MTAP: variants seen among roughly 807,000 people sequenced by gnomAD.
The protein encoded by MTAP is methylthioadenosine phosphorylase.
Under a neutral mutation model 33.6 loss-of-function variants are expected in MTAP, and 33 were observed. The observed-to-expected ratio is 0.98, with a 90% CI of 0.74 to 1.31. The LOEUF is 1.31. MTAP is among the 40% of genes most tolerant of loss of function. The probability of loss-of-function intolerance (pLI) is 0.00; values close to 1 mark genes in which losing one functional copy is unlikely to be tolerated. For missense variants in MTAP, 367 were observed against 360.0 expected (o/e 1.02, Z -0.16); for synonymous variants, 148 against 125.7 (o/e 1.18, Z -1.19).
At chr9:21,915,022 TCCTTCCTTCCTTCCTTCCTTCCTTCC>T (rs1818656981) in intron 1 of MTAP, among the ~76,000 whole-genome samples, 1 of 99,554 alleles carries the variant, frequency 1.0e-5, no homozygotes, top group African/African-American at 5.7e-5. Context: ...CTTCCTTCCT[TCCTTCCTTCCTTCCTTCCTTCCTTCC>T]TTCCTTCCTT....
chr9:21,938,567 G>A (rs1258548845), downstream of MTAP, among the ~76,000 whole-genome samples: 1 of 152,156 alleles, frequency 6.6e-6, no homozygotes, highest in East Asian at 1.9e-4. Flanking sequence ...TTTTCCAGAT[G>A]TTCTGTGAAC....
At chr9:21,934,564 GATTATAA>G (rs1489906619), downstream of MTAP, 4 of 152,112 alleles carry the variant, frequency 2.6e-5, no homozygotes, top group East Asian at 7.7e-4. This position sits in a 1 kb window ranked among gnomAD's most constrained non-coding sequence, Gnocchi z 5.0. Flanking sequence ...AGATGTTTAA[GATTATAA>G]AACTGTCAGT....
At chr9:21,841,833 C>G (rs1825254833) in intron 5 of MTAP, among the ~76,000 whole-genome samples, 1 of 152,126 alleles carries the variant, frequency 6.6e-6, no homozygotes, top group African/African-American at 2.4e-5. Flanking sequence ...TGACAAGGAA[C>G]CAGAAAAGCA....
At chr9:21,845,799 T>C (rs1038078762) in intron 5 of MTAP, among the ~76,000 whole-genome samples, 1 of 151,262 alleles carries the variant, frequency 6.6e-6, no homozygotes, top group African/African-American at 2.4e-5. Context: ...AAAGAGCCCA[T>C]ATAGCCAAAG....
intron 1 of MTAP, among the ~76,000 whole-genome samples, chr9:21,807,921 ATGTT>A (rs1563828034): frequency 6.6e-6 from 1 of 152,224 alleles, no homozygotes; most frequent in South Asian, 2.1e-4. Flanking sequence ...GTTAAGGAAA[ATGTT>A]TGTATGCAGT....
chr9:21,853,608 A>G (rs1301877654), intron 5 of MTAP, among the ~76,000 whole-genome samples: 1 of 152,204 alleles, frequency 6.6e-6, no homozygotes, highest in Non-Finnish European at 1.5e-5. Flanking sequence ...ACTCCACTTT[A>G]TTTATATAGT....
Position 21,866,917 on chromosome 9 carries a change from G to A in MTAP, c.*4903G>A, listed in dbSNP as rs951705703. ...TTTGTAGTTTTAGTGAAGAAGTCTT[G>A]TATATATCTTTTGTTAAATGTATTC... On this transcript the variant is annotated 3_prime_UTR_variant, in exon 8 of 8. Transcript: ENST00000644715. 6.6e-6 allele frequency: 1 copy of A among 152,070 alleles called. No homozygotes were observed. The highest frequency in any genetic ancestry group is 6.6e-5 in the Admixed American group (1 of 15,256). 9.4% of individuals were successfully genotyped at this position (152,070 alleles called of 1,614,324 possible).
chr9:21,900,489 T>C (rs766810039), intron 1 of MTAP, among the ~76,000 whole-genome samples: 2 of 152,210 alleles, frequency 1.3e-5, no homozygotes, highest in Non-Finnish European at 2.9e-5. Context: ...CCAGTCAGAA[T>C]GGCTACTATT....
At chr9:21,930,859 G>T in intron 1 of MTAP, 2 of 649,208 alleles carry the variant, frequency 3.1e-6, no homozygotes, top group Admixed American at 2.5e-5. Context: ...GCCTCTCGTG[G>T]TTAGTTAGAT....
chr9:21,859,823 C>T (rs1252322450), intron 7 of MTAP: 3 of 154,700 alleles, frequency 1.9e-5, no homozygotes, highest in Non-Finnish European at 4.3e-5. Flanking sequence ...AAAACTCTGA[C>T]AATAGTACCA....
At chr9:21,838,876 T>A (rs1825174656) in intron 5 of MTAP, among the ~76,000 whole-genome samples, 2 of 152,272 alleles carry the variant, frequency 1.3e-5, no homozygotes, top group Admixed American at 1.3e-4. Context: ...CCTTATGAGT[T>A]AACTTAGAGA....
At chr9:21,933,766 C>A (rs1327343101), downstream of MTAP, 1 of 152,134 alleles carries the variant, frequency 6.6e-6, no homozygotes, top group Admixed American at 6.5e-5. Flanking sequence ...ACTGTGAAAT[C>A]TGCTTCTGTC....
intron 7 of MTAP, 50 bp from the exon 8 acceptor site, chr9:21,861,926 C>G: frequency 9.8e-7 from 1 of 1,018,928 alleles, no homozygotes; most frequent in South Asian, 1.3e-5. Flanking sequence ...ACAAACATCT[C>G]AGTAATTACG....
chr9:21,846,487 A>C (rs2118423158), intron 5 of MTAP, among the ~76,000 whole-genome samples: 1 of 152,312 alleles, frequency 6.6e-6, no homozygotes, highest in African/African-American at 2.4e-5. Flanking sequence ...CACATGAAAA[A>C]ATGCTCAAAA....
chr9:21,899,221 C>CGG (rs1449109464), intron 1 of MTAP, among the ~76,000 whole-genome samples: 1 of 102,414 alleles, frequency 9.8e-6, no homozygotes, highest in Non-Finnish European at 1.8e-5. Context: ...CATCACACAC[C>CGG]GGGGCCTGTT....
chr9:21,882,611 T>A (rs1019692904), intron 1 of MTAP, among the ~76,000 whole-genome samples: 1 of 151,902 alleles, frequency 6.6e-6, no homozygotes, highest in East Asian at 1.9e-4. Context: ...TATGGAAAAT[T>A]TGAACAACAT....
chr9:21,904,977 G>C (rs1223927964), intron 1 of MTAP, among the ~76,000 whole-genome samples: 1 of 152,134 alleles, frequency 6.6e-6, no homozygotes, highest in African/African-American at 2.4e-5. Flanking sequence ...AAACCTCTAG[G>C]GGGAGCATTT....
In MTAP at chr9:21,862,002, A is replaced by G; in HGVS notation, c.840A>G (p.Leu280=). The change falls in exon 8 of 8, where the codon TTA becomes TTG. Residue 280 remains leucine, a synonymous_variant. Coordinates refer to ENST00000644715, the MANE Select transcript of MTAP (RefSeq NM_002451.4). ...LKNMAQFSVL[L]PRH is the part of the protein sequence containing the mutation. ...ATATGGCCCAGTTTTCTGTTTTATT[A>G]CCAAGACATTAAAGTAGCATGGCTG... is the stretch of plus-strand genomic sequence containing the variant. 1.2e-6 allele frequency: 2 copies of G among 1,610,320 alleles called. No individual in the cohort carries two copies. Among genetic ancestry groups the G allele is most frequent in the Non-Finnish European group, 1.7e-6 (2 of 1,176,774 alleles).
downstream of MTAP, among the ~76,000 whole-genome samples, chr9:21,867,816 G>A (rs1825878367): frequency 6.6e-6 from 1 of 152,146 alleles, no homozygotes; most frequent in South Asian, 2.1e-4. Context: ...ATATTTTGCA[G>A]CTATAAATGC....
Sources: gnomAD v4.1 joint callset for allele counts (sites outside exome capture counted in the v4.1 genomes callset) on GRCh38, gnomAD v4.1.1 for gene constraint, Gnocchi (gnomAD v3.1) non-coding constraint, MANE v1.5 for transcripts, NCBI Gene and HGNC (gene_info 2026-07-23, HGNC 2026-07-21) for gene names.